SET: variants seen among roughly 807,000 people sequenced by gnomAD.
SET encodes protein SET.
SET carries 4 observed loss-of-function variants against 39.0 expected under a neutral mutation model. The ratio of observed to expected loss-of-function variants is 0.10; its 90% CI spans 0.05 to 0.23. The LOEUF (loss-of-function observed/expected upper bound fraction) is 0.23. Ranked by LOEUF, SET falls within the 10% of genes least tolerant of loss-of-function variation. The pLI is 1.00. For synonymous variants in SET, 114 were observed against 115.9 expected, an observed-to-expected ratio of 0.98 and a Z score of 0.11; for missense variants, 137 against 329.7, an observed-to-expected ratio of 0.42 and a Z score of 4.53.
intron 1 of SET, chr9:128,690,709 C>T (rs574868387): frequency 5.5e-6 from 1 of 182,260 alleles, no homozygotes; most frequent in East Asian, 1.6e-4. Flanking sequence ...ATAGCAGAGT[C>T]GTCAACTTTC....
intron 3 of SET, 129 bp from the exon 4 acceptor site, chr9:128,692,533 T>C (rs1358374427): frequency 3.1e-6 from 2 of 639,298 alleles, no homozygotes; most frequent in Admixed American, 5.3e-5. Flanking sequence ...AGCAATTGCC[T>C]TTAGTTAATA....
At chr9:128,685,194 C>A, upstream of SET, 1 of 1,600,854 alleles carries the variant, frequency 6.2e-7, no homozygotes, top group Non-Finnish European at 8.5e-7. Flanking sequence ...TCCTGCCCAG[C>A]TTGAAACCTA....
chr9:128,685,232 C>A, upstream of SET: 1 of 1,578,796 alleles, frequency 6.3e-7, no homozygotes, highest in Non-Finnish European at 8.6e-7. Flanking sequence ...CATAAAACAA[C>A]TTGTGCTTGT....
chr9:128,694,403 A>AT, intron 7 of SET, among the ~76,000 whole-genome samples: 1 of 152,172 alleles, frequency 6.6e-6, no homozygotes, highest in East Asian at 1.9e-4. Context: ...GAATAGTCAA[A>AT]TTAGGATAGG....
chr9:128,687,754 T>C (rs1410621719), upstream of SET, among the ~76,000 whole-genome samples: 2 of 152,200 alleles, frequency 1.3e-5, no homozygotes, highest in African/African-American at 2.4e-5. Context: ...AGATAGGGTC[T>C]TGCTCTGTCA....
upstream of SET, among the ~76,000 whole-genome samples, chr9:128,684,462 G>A (rs1320711411): frequency 6.6e-6 from 1 of 152,014 alleles, no homozygotes; most frequent in African/African-American, 2.4e-5. Flanking sequence ...CCTCATCTTG[G>A]CTTCCAGCTT....
At chr9:128,689,703 C>T (rs1861431662) in intron 1 of SET, 48 bp downstream of exon 1, 2 of 483,674 alleles carry the variant, frequency 4.1e-6, no homozygotes, top group South Asian at 1.7e-4. Context: ...ATCTTCGCCG[C>T]CCGCCCCGGC....
rs1861685467 is a variant in SET at position 128,695,110 on chromosome 9, T to C, written c.*446T>C. The C allele has an allele frequency of 8.9e-6, 2 of 225,422 alleles. No homozygotes were observed. The highest frequency in any genetic ancestry group is 4.4e-5 in the African/African-American group (2 of 45,004). 14.0% of individuals were successfully genotyped at this position (225,422 alleles called of 1,614,324 possible). On this transcript the variant is annotated 3_prime_UTR_variant, in exon 8 of 8. Coordinates refer to ENST00000322030, the MANE Select transcript of SET (RefSeq NM_003011.4). ...TATGTGAATATGGACAGTTAGCATT[T>C]ACCAACATGTATCTGTCTACTTTCT...
At position 128,694,811 on chromosome 9, in the gene SET, G is replaced by T; in HGVS notation, c.*147G>T. ...TGAGGTCTCTTTTCTCTACTCCATG[G>T]TTCTCAATTTATTTGGGGGGAAATA... On this transcript the variant is annotated 3_prime_UTR_variant, in exon 8 of 8. Coordinates refer to ENST00000322030, the MANE Select transcript of SET (RefSeq NM_003011.4). The T allele has an allele frequency of 2.1e-6, 1 of 485,828 alleles. No individual in the cohort carries two copies. The highest frequency in any genetic ancestry group is 3.5e-6 in the Non-Finnish European group (1 of 286,118). 30.1% of individuals were successfully genotyped at this position (485,828 alleles called of 1,614,324 possible).
Position 128,695,777 on chromosome 9 carries a change from T to C in SET, c.*1113T>C, listed in dbSNP as rs1247584422. 4.4e-6 allele frequency: 1 copy of C among 227,626 alleles called. No homozygotes were observed. The highest frequency in any genetic ancestry group is 2.2e-5 in the African/African-American group (1 of 45,112). The allele number at this position is 227,626 out of a possible 1,614,324, so 14.1% of individuals were successfully genotyped here. On this transcript the variant is annotated 3_prime_UTR_variant, in exon 8 of 8. Coordinates refer to ENST00000322030, the MANE Select transcript of SET (RefSeq NM_003011.4). ...CTGAAAGTATTCACATCATTTGGGA[T>C]ACCAGATAGCTCAATACTCTCTGAG...
intron 1 of SET, 80 bp downstream of exon 1, chr9:128,689,735 CGGGGCGCGCGCGGGGGGCGCCGGGCGGG>C (rs1554775845): frequency 4.5e-6 from 1 of 223,544 alleles, no homozygotes; most frequent in Non-Finnish European, 7.2e-6. Context: ...CGGCGGGGCC[CGGGGCGCGCGCGGGGGGCGCCGGGCGGG>C]GGGGCGCGGC....
upstream of SET, among the ~76,000 whole-genome samples, chr9:128,688,851 CG>C (rs1322506864): frequency 1.3e-5 from 2 of 152,160 alleles, no homozygotes; most frequent in Non-Finnish European, 2.9e-5. Context: ...CATACGAGGC[CG>C]GGCCTGCACT....
In SET at chr9:128,689,344, C is replaced by A; in HGVS notation, c.-239C>A. ...GCCGCCGCCGCCTCCGCCTCCCCTC[C>A]GCGAACAGGAGCCCGGGCCGGGGCC... On this transcript the variant is annotated 5_prime_UTR_variant, in exon 1 of 8. Transcript: ENST00000322030. 3 of 1,047,852 alleles carry A rather than the reference C, an allele frequency of 2.9e-6. No individual in the cohort carries two copies. Among genetic ancestry groups the A allele is most frequent in the Non-Finnish European group, 3.5e-6 (3 of 868,062 alleles). The allele number at this position is 1,047,852 out of a possible 1,614,324, so 64.9% of individuals were successfully genotyped here.
chr9:128,689,954 C>T (rs1302462302), intron 1 of SET: 11 of 736,518 alleles, frequency 1.5e-5, no homozygotes, highest in Non-Finnish European at 1.7e-5. Flanking sequence ...CCCTCCCTCC[C>T]TCCCGAGAAG....
At chr9:128,693,519 T>G in intron 5 of SET, 119 bp from the exon 6 acceptor site, 2 of 1,026,904 alleles carry the variant, frequency 1.9e-6, no homozygotes, top group Non-Finnish European at 2.8e-6. Flanking sequence ...AATGGTAGCG[T>G]AGATAGTATA....
chr9:128,691,148 G>GT, intron 1 of SET, 22 bp from the exon 2 acceptor site: 1 of 1,589,778 alleles, frequency 6.3e-7, no homozygotes, highest in Non-Finnish European at 8.6e-7. Context: ...TTAGAATTAA[G>GT]TTTTTTGCTC....
rs766552845 is a variant in SET at position 128,691,996 on chromosome 9, A to G, written c.270A>G (p.Pro90=). The change falls in exon 3 of 8, where the codon CCA becomes CCG. Residue 90 remains proline (P), a synonymous_variant. Transcript: ENST00000322030. Reference sequence around the variant, plus strand: ...GGGTAACAACATTTGTCAACCATCCACAAGGTATGTTTTGGACAGGGCATT... The same window carrying G: ...GGGTAACAACATTTGTCAACCATCCGCAAGGTATGTTTTGGACAGGGCATT... ...NFWVTTFVNH[P]QVSALLGEED... The G allele has an allele frequency of 6.2e-7, 1 of 1,613,936 alleles. No homozygotes were observed. Among genetic ancestry groups the G allele is most frequent in the Non-Finnish European group, 8.5e-7 (1 of 1,179,928 alleles).
upstream of SET, chr9:128,689,219 C>T (rs1861398577): frequency 7.0e-6 from 7 of 992,970 alleles, no homozygotes; most frequent in South Asian, 2.3e-4. Flanking sequence ...GCCCTGCGCC[C>T]GCCCCTCGCC....
rs1346125662 is a variant in SET at position 128,695,044 on chromosome 9, C to T, written c.*380C>T. 6 of 236,240 alleles carry T rather than the reference C, an allele frequency of 2.5e-5. No homozygotes were observed. Among genetic ancestry groups the T allele is most frequent in the Admixed American group, 1.1e-4 (2 of 17,852 alleles). 14.6% of individuals were successfully genotyped at this position (236,240 alleles called of 1,614,324 possible). A position where few individuals can be genotyped will look rare whatever the true frequency, so the allele number is the denominator to read the frequency against. ...TGCATAGAATTCTAGCTTTTTTCCT[C>T]CTTTCTCTGTATATTGGGCTCAGAG... On this transcript the variant is annotated 3_prime_UTR_variant, in exon 8 of 8. Transcript: ENST00000322030.
Sources: gnomAD v4.1 joint callset for allele counts (sites outside exome capture counted in the v4.1 genomes callset) on GRCh38, gnomAD v4.1.1 for gene constraint, MANE v1.5 for transcripts, NCBI Gene and HGNC (gene_info 2026-07-23, HGNC 2026-07-21) for gene names.